NUFIP2: variants seen among roughly 807,000 people sequenced by gnomAD.
NUFIP2 encodes nuclear FMR1 interacting protein 2, also known as FMR1-interacting protein NUFIP2.
A neutral mutation model predicts 56.9 loss-of-function variants in NUFIP2; 6 were observed. The observed-to-expected ratio is 0.11, with a 90% CI of 0.06 to 0.21. The LOEUF (loss-of-function observed/expected upper bound fraction) is 0.21. Among genes scored for constraint, NUFIP2 ranks in the 10% least tolerant of loss-of-function variants. The probability of loss-of-function intolerance (pLI) is 1.00; values close to 1 mark genes in which losing one functional copy is unlikely to be tolerated. For synonymous variants in NUFIP2, 321 were observed against 298.2 expected (o/e 1.08, Z -0.79); for missense variants, 828 against 826.8 (o/e 1.00, Z -0.02).
At position 29,262,374 on chromosome 17, in the gene NUFIP2, T is replaced by C. The variant is rs1337381596; in HGVS notation, c.*2165A>G. The C allele has an allele frequency of 1.3e-5, 2 of 151,490 alleles. No individual in the cohort carries two copies. Among genetic ancestry groups the C allele is most frequent in the Non-Finnish European group, 2.9e-5 (2 of 67,860 alleles). The allele number at this position is 151,490 out of a possible 1,614,324, so 9.4% of individuals were successfully genotyped here. A position where few individuals can be genotyped will look rare whatever the true frequency, so the allele number is the denominator to read the frequency against. On this transcript the variant is annotated 3_prime_UTR_variant, in exon 4 of 4. Transcript: ENST00000225388. Reference sequence around the variant, plus strand: ...CCTTTAATCAACCTTATATGTCTTTTTTTTTAACTTTTTGAAAATTTTTAT... The same window carrying C: ...CCTTTAATCAACCTTATATGTCTTTCTTTTTAACTTTTTGAAAATTTTTAT...
chr17:29,285,811 T>TA (rs2069169812), intron 2 of NUFIP2, among the ~76,000 whole-genome samples, 181 bp downstream of exon 2: 1 of 152,216 alleles, frequency 6.6e-6, no homozygotes, highest in Non-Finnish European at 1.5e-5. Context: ...ACATTTCTTC[T>TA]AAATTTTAAT....
intron 2 of NUFIP2, among the ~76,000 whole-genome samples, chr17:29,279,071 A>G (rs937762591): frequency 6.6e-6 from 1 of 152,232 alleles, no homozygotes; most frequent in Non-Finnish European, 1.5e-5. Context: ...GCACACATTA[A>G]TAAGATTATT....
chr17:29,272,412 T>C (rs1165436757), intron 2 of NUFIP2, among the ~76,000 whole-genome samples: 1 of 151,906 alleles, frequency 6.6e-6, no homozygotes, highest in Non-Finnish European at 1.5e-5. Context: ...GGCTAATTTC[T>C]TGTATTTTTA....
intron 1 of NUFIP2, 25 bp downstream of exon 1, chr17:29,293,757 TC>T: frequency 2.9e-6 from 3 of 1,041,008 alleles, no homozygotes; most frequent in East Asian, 2.8e-5. Flanking sequence ...CCAACCCCCT[TC>T]CCCCACCCGT....
chr17:29,265,309 T>TA (rs1197013446), intron 3 of NUFIP2, among the ~76,000 whole-genome samples: 5 of 146,866 alleles, frequency 3.4e-5, no homozygotes, highest in African/African-American at 9.9e-5. Flanking sequence ...TATTTTATTT[T>TA]TTTTTTTTTT....
chr17:29,294,122 G>A lies in NUFIP2; in HGVS notation c.-63C>T, dbSNP rs2069238147. 13 of 1,529,106 alleles carry A rather than the reference G, an allele frequency of 8.5e-6. No individual in the cohort carries two copies. In the South Asian group the frequency reaches 1.0e-4, roughly 12 times the overall value. The allele number at this position is 1,529,106 out of a possible 1,614,324, so 94.7% of individuals were successfully genotyped here. A position where few individuals can be genotyped will look rare whatever the true frequency, so the allele number is the denominator to read the frequency against. ...TGCTGCACCGTCAGGATCTGAGACTGCTTCTCAGGGCTCACTCAGTATATC... is the reference window on the plus strand; with the variant it reads ...TGCTGCACCGTCAGGATCTGAGACTACTTCTCAGGGCTCACTCAGTATATC... On this transcript the variant is annotated 5_prime_UTR_variant, in exon 1 of 4. Coordinates refer to ENST00000225388, the MANE Select transcript of NUFIP2 (RefSeq NM_020772.3).
At chr17:29,289,857 G>T (rs921252625) in intron 1 of NUFIP2, among the ~76,000 whole-genome samples, 1 of 152,060 alleles carries the variant, frequency 6.6e-6, no homozygotes, top group Admixed American at 6.6e-5. Flanking sequence ...ACATACTCAA[G>T]GCATAATCAT....
chr17:29,280,000 T>G (rs906526427), intron 2 of NUFIP2, among the ~76,000 whole-genome samples: 1 of 152,054 alleles, frequency 6.6e-6, no homozygotes, highest in South Asian at 2.1e-4. Context: ...TGTATTTTCA[T>G]AGAGATGGGG....
In NUFIP2 at chr17:29,263,865, CT is replaced by C. The variant is rs2069018188; in HGVS notation, c.*673del. 6.6e-6 allele frequency: 1 copy of C among 152,598 alleles called. No homozygotes were observed. Among genetic ancestry groups the C allele is most frequent in the Non-Finnish European group, 1.5e-5 (1 of 68,040 alleles). The allele number at this position is 152,598 out of a possible 1,614,324, so 9.5% of individuals were successfully genotyped here. A position where few individuals can be genotyped will look rare whatever the true frequency, so the allele number is the denominator to read the frequency against. On this transcript the variant is annotated 3_prime_UTR_variant, in exon 4 of 4. Coordinates refer to ENST00000225388, the MANE Select transcript of NUFIP2 (RefSeq NM_020772.3). ...AATTGTAGAACTTCAATGCCCTCCC[CT>C]ATCCCCGCCCCACAAAAAATAAATG...
rs2068978728 is a variant in NUFIP2, at chr17:29,257,703, T to C, written c.*6836A>G. The C allele has an allele frequency of 6.6e-6, 1 of 152,214 alleles. No homozygotes were observed. The highest frequency in any genetic ancestry group is 6.5e-5 in the Admixed American group (1 of 15,276). 9.4% of individuals were successfully genotyped at this position (152,214 alleles called of 1,614,324 possible). A position where few individuals can be genotyped will look rare whatever the true frequency, so the allele number is the denominator to read the frequency against. On this transcript the variant is annotated 3_prime_UTR_variant, in exon 4 of 4. Coordinates refer to ENST00000225388, the MANE Select transcript of NUFIP2 (RefSeq NM_020772.3). ...TAAAGTGGACTCCATTATCTCCCTA[T>C]ATTTTGCAAACAATGCTTTGTATAA... is the stretch of plus-strand genomic sequence containing the variant.
rs755169170 is a variant in NUFIP2, at chr17:29,267,557, A to G, written c.2003-27T>C. On this transcript the variant is annotated intron_variant, in intron 2 of 3. Transcript: ENST00000225388. ...TGCAAAGAAAAAAAGAGAATTACAT[A>G]CTAAGTTTTGGTGAGCAAAGTCTGA... 13 of 1,470,300 alleles carry G rather than the reference A, an allele frequency of 8.8e-6. 1 individual carries two copies. The Admixed American group carries it at 1.1e-4, about 12-fold the overall frequency. 91.1% of individuals were successfully genotyped at this position (1,470,300 alleles called of 1,614,324 possible).
chr17:29,267,076 G>A (rs2069041743), intron 3 of NUFIP2, among the ~76,000 whole-genome samples: 1 of 149,334 alleles, frequency 6.7e-6, no homozygotes, highest in African/African-American at 2.4e-5. Flanking sequence ...GCTAATTTTT[G>A]TATTTTTAGT....
intron 1 of NUFIP2, among the ~76,000 whole-genome samples, chr17:29,293,418 G>A (rs972573609): frequency 6.6e-6 from 1 of 152,080 alleles, no homozygotes; most frequent in African/African-American, 2.4e-5. Flanking sequence ...TTTTGGGGGG[G>A]TAGGTTTACC....
At chr17:29,277,779 G>A (rs905853303) in intron 2 of NUFIP2, among the ~76,000 whole-genome samples, 3 of 152,094 alleles carry the variant, frequency 2.0e-5, no homozygotes, top group Non-Finnish European at 4.4e-5. Context: ...TTGGGAGGCC[G>A]AGGTGGGTGG....
In NUFIP2 at chr17:29,262,680, A is replaced by G. The variant is rs1002986815; in HGVS notation, c.*1859T>C. On this transcript the variant is annotated 3_prime_UTR_variant, in exon 4 of 4. Coordinates refer to ENST00000225388, the MANE Select transcript of NUFIP2 (RefSeq NM_020772.3). ...TTACAGGTGAAATGAAACTATCTGG[A>G]ACTGGCCTACCACAAGTTTCTGAAC... The G allele has an allele frequency of 6.6e-6, 1 of 151,692 alleles. No homozygotes were observed. Among genetic ancestry groups the G allele is most frequent in the Non-Finnish European group, 1.5e-5 (1 of 67,840 alleles). The allele number at this position is 151,692 out of a possible 1,614,324, so 9.4% of individuals were successfully genotyped here.
At chr17:29,272,953 A>G (rs1378652223) in intron 2 of NUFIP2, among the ~76,000 whole-genome samples, 3 of 151,640 alleles carry the variant, frequency 2.0e-5, no homozygotes, top group African/African-American at 4.8e-5. Context: ...CCTGGGTTCA[A>G]GCTATCCTGC....
At chr17:29,293,513 C>T (rs1394283527) in intron 1 of NUFIP2, among the ~76,000 whole-genome samples, 1 of 152,142 alleles carries the variant, frequency 6.6e-6, no homozygotes, top group Non-Finnish European at 1.5e-5. Flanking sequence ...ACTTGCAAGG[C>T]CGACCCAGCA....
At chr17:29,271,210 G>C (rs115284489) in intron 2 of NUFIP2, among the ~76,000 whole-genome samples, 413 of 152,212 alleles carry the variant, frequency 2.7e-3, no homozygotes, top group African/African-American at 9.4e-3. Flanking sequence ...TATAAAACTA[G>C]CTATGAAGCA....
intron 2 of NUFIP2, among the ~76,000 whole-genome samples, chr17:29,282,654 CCACT>C (rs2069147533): frequency 6.6e-6 from 1 of 151,820 alleles, no homozygotes; most frequent in Non-Finnish European, 1.5e-5. Flanking sequence ...ACTCTCTTAC[CCACT>C]ATTTCCAAAT....
Sources: gnomAD v4.1 joint callset for allele counts (sites outside exome capture counted in the v4.1 genomes callset) on GRCh38, gnomAD v4.1.1 for gene constraint, MANE v1.5 for transcripts, NCBI Gene and HGNC (gene_info 2026-07-23, HGNC 2026-07-21) for gene names.